Variants in CDH8 observed in about 807,000 individuals in gnomAD.
The protein encoded by CDH8 is cadherin 8.
A neutral mutation model predicts 68.1 loss-of-function variants in CDH8; 17 were observed. That is an observed-to-expected ratio of 0.25 (90% CI 0.17 to 0.37). The LOEUF (loss-of-function observed/expected upper bound fraction) is 0.37, where lower values mean the gene tolerates loss of function less well. CDH8 is among the 10% of genes least tolerant of loss of function. The pLI is 1.00. For synonymous variants in CDH8, 372 were observed against 365.1 expected (o/e 1.02, Z -0.21); for missense variants, 763 against 999.3 (o/e 0.76, Z 3.19).
chr16:61,787,943 G>T lies in CDH8; in HGVS notation c.1414+1403C>A, dbSNP rs1298497848. On this transcript the variant is annotated intron_variant, in intron 8 of 11. Transcript: ENST00000577390. ...ATATCACACTCTGGGGACTGTGGTG[G>T]GGGGGGCGGGGGGAGGGATAGCATT... Among the ~76,000 whole-genome samples the T allele has an allele frequency of 5.5e-3, 698 of 126,624 alleles. 9 individuals are homozygous for T. Among genetic ancestry groups the T allele is most frequent in the African/African-American group, 0.021 (674 of 32,360 alleles). 83.1% of individuals were successfully genotyped at this position (126,624 alleles called of 152,430 possible).
intron 2 of CDH8, among the ~76,000 whole-genome samples, chr16:61,919,595 T>C (rs1041221113): frequency 9.5e-4 from 142 of 150,248 alleles, no homozygotes; most frequent in Middle Eastern, 6.8e-3. Flanking sequence ...TGAAATGAAG[T>C]GAGAAGGGAA....
intron 8 of CDH8, among the ~76,000 whole-genome samples, chr16:61,782,499 G>A (rs1211659678): frequency 6.6e-6 from 1 of 152,086 alleles, no homozygotes; most frequent in Non-Finnish European, 1.5e-5. Context: ...CAAGGCAGCA[G>A]CGAGGCTGGG....
chr16:61,913,802 TTAA>T (rs899457499), intron 2 of CDH8, among the ~76,000 whole-genome samples: 5 of 152,154 alleles, frequency 3.3e-5, no homozygotes, highest in African/African-American at 7.2e-5. Context: ...AACTCCTACA[TTAA>T]TAATAATATT....
intron 10 of CDH8, chr16:61,692,175 A>G (rs1416910363): frequency 6.6e-6 from 1 of 152,174 alleles, no homozygotes; most frequent in Non-Finnish European, 1.5e-5. Flanking sequence ...TGTTTTTATG[A>G]GAGTCACTCT....
At chr16:61,796,668 A>C (rs1241437810) in intron 7 of CDH8, among the ~76,000 whole-genome samples, 1 of 152,090 alleles carries the variant, frequency 6.6e-6, no homozygotes, top group African/African-American at 2.4e-5. Flanking sequence ...TAATACCACC[A>C]TTCCTCTAAT....
intron 10 of CDH8, among the ~76,000 whole-genome samples, chr16:61,684,016 C>T (rs1964058606): frequency 6.6e-6 from 1 of 151,968 alleles, no homozygotes; most frequent in African/African-American, 2.4e-5. Flanking sequence ...TTGAGGATAC[C>T]TTCCCTCCAA....
chr16:61,766,343 T>G, intron 8 of CDH8, among the ~76,000 whole-genome samples: 1 of 152,020 alleles, frequency 6.6e-6, no homozygotes, highest in East Asian at 1.9e-4. Context: ...TGAGTAGTAT[T>G]CCATGGTATA....
intron 8 of CDH8, chr16:61,743,246 G>C (rs920031657): frequency 6.6e-6 from 1 of 152,172 alleles, no homozygotes; most frequent in African/African-American, 2.4e-5. Context: ...TGAAGCTTGA[G>C]ACCGTGTCTG....
At chr16:61,908,804 CT>C (rs1198696732) in intron 2 of CDH8, among the ~76,000 whole-genome samples, 2 of 152,102 alleles carry the variant, frequency 1.3e-5, no homozygotes, top group Admixed American at 6.6e-5. Flanking sequence ...TCCTTCCATT[CT>C]TAATAAGTTG....
chr16:61,849,384 C>T (rs931248958), intron 4 of CDH8, among the ~76,000 whole-genome samples: 1 of 151,936 alleles, frequency 6.6e-6, no homozygotes, highest in African/African-American at 2.4e-5. Flanking sequence ...TGACAAAAAC[C>T]ACTCTTTGGC....
intron 2 of CDH8, among the ~76,000 whole-genome samples, chr16:61,999,764 C>A (rs1362386199): frequency 2.0e-5 from 3 of 151,274 alleles, no homozygotes; most frequent in African/African-American, 7.3e-5. Flanking sequence ...GTTAAATGTT[C>A]TTTGAAAAAA....
intron 8 of CDH8, among the ~76,000 whole-genome samples, chr16:61,778,057 G>A (rs2142991635): frequency 6.6e-6 from 1 of 152,196 alleles, no homozygotes; most frequent in Non-Finnish European, 1.5e-5. Flanking sequence ...AGGCTTATCA[G>A]TCTTACTGCT....
intron 1 of CDH8, among the ~76,000 whole-genome samples, chr16:62,034,680 G>T (rs969694314): frequency 1.3e-5 from 2 of 152,088 alleles, no homozygotes; most frequent in African/African-American, 4.8e-5. Flanking sequence ...GGCGCGCTAA[G>T]GGATTGTCGA....
rs537851335 is a variant in CDH8 at position 61,740,007 on chromosome 16, A to G, written c.1415-12792T>C. Among the ~76,000 whole-genome samples, 388 of 150,272 alleles carry G rather than the reference A, an allele frequency of 2.6e-3. 2 individuals carry two copies. The highest frequency in any genetic ancestry group is 9.1e-3 in the African/African-American group (374 of 40,916). On this transcript the variant is annotated intron_variant, in intron 8 of 11. Transcript: ENST00000577390. ...ACTGCAACCTCCACCTCCCGGGTTC[A>G]AGTGATTCTCCCGCCTCAGCCTCCT...
chr16:61,930,270 A>AACAC (rs369686237), intron 2 of CDH8, among the ~76,000 whole-genome samples: 5,845 of 144,318 alleles, frequency 0.041, 251 homozygotes, highest in African/African-American at 0.11. Flanking sequence ...AAAGTTAGAA[A>AACAC]ACACACACAC....
chr16:61,788,681 A>G (rs2142994029), intron 8 of CDH8, among the ~76,000 whole-genome samples: 1 of 151,866 alleles, frequency 6.6e-6, no homozygotes, highest in South Asian at 2.1e-4. Context: ...TGCAAAGAAG[A>G]AAAAAAAGTC....
Position 61,653,712 on chromosome 16 carries a change from T to C in CDH8, c.2296A>G (p.Thr766Ala). ...AGSLSSLEST[T>A]SDSDQNFDYL... ...TCAAAATTCTGGTCTGAGTCTGATG[T>C]GGTGGACTCCAAGGAGCTGAGGGAG... The change falls in exon 12 of 12, where the codon ACA becomes GCA. Residue 766 changes from threonine (T) to alanine (A), a missense_variant. Around this residue, in one of 2 missense-constraint regions of CDH8, gnomAD observed 397 missense variants for 436.2 expected, o/e 0.91. Transcript: ENST00000577390. The C allele has an allele frequency of 6.2e-7, 1 of 1,614,186 alleles. No individual in the cohort carries two copies. Among genetic ancestry groups the C allele is most frequent in the East Asian group, 2.2e-5 (1 of 44,868 alleles).
chr16:61,758,038 T>C (rs991817553), intron 8 of CDH8, among the ~76,000 whole-genome samples: 4 of 152,166 alleles, frequency 2.6e-5, no homozygotes, highest in Non-Finnish European at 2.9e-5. Context: ...AGGAGATAGA[T>C]TAATTGAGAA....
chr16:61,777,945 T>G lies in CDH8; in HGVS notation c.1414+11401A>C, dbSNP rs753688217. Among the ~76,000 whole-genome samples, 153 of 152,218 alleles carry G rather than the reference T, an allele frequency of 1.0e-3. 1 individual carries two copies. Among genetic ancestry groups the G allele is most frequent in the Non-Finnish European group, 1.1e-3 (78 of 68,002 alleles). Reference sequence around the variant, plus strand: ...TAGTTTTCACTTTCCTTCACTGTATTTCTCTTTGCTAAGAACATTGATCTC... The same window carrying G: ...TAGTTTTCACTTTCCTTCACTGTATGTCTCTTTGCTAAGAACATTGATCTC... On this transcript the variant is annotated intron_variant, in intron 8 of 11. Coordinates refer to ENST00000577390, the MANE Select transcript of CDH8 (RefSeq NM_001796.5).
Sources: gnomAD v4.1 joint callset for allele counts (sites outside exome capture counted in the v4.1 genomes callset) on GRCh38, gnomAD v4.1.1 for gene constraint, gnomAD v4.1.1 regional missense constraint, MANE v1.5 for transcripts, NCBI Gene and HGNC (gene_info 2026-07-23, HGNC 2026-07-21) for gene names.